The following KANK2 variants were observed in gnomAD, a reference collection of about 807,000 sequenced individuals.
KANK2 encodes KN motif and ankyrin repeat domains 2.
A neutral mutation model predicts 74.6 loss-of-function variants in KANK2; 41 were observed. The ratio of observed to expected loss-of-function variants is 0.55; its 90% CI spans 0.43 to 0.71. The LOEUF (loss-of-function observed/expected upper bound fraction) is 0.71. KANK2 is among the 30% of genes least tolerant of loss of function. The pLI is 0.00. For synonymous variants in KANK2, 537 were observed against 519.0 expected, an observed-to-expected ratio of 1.03 and a Z score of -0.47; for missense variants, 1,148 against 1,196.4, an observed-to-expected ratio of 0.96 and a Z score of 0.60.
intron 4 of KANK2, 36 bp from the exon 5 acceptor site, chr19:11,178,756 A>G (rs2078428033): frequency 1.3e-6 from 2 of 1,483,038 alleles, no homozygotes; most frequent in Admixed American, 2.6e-5. Context: ...GCTCTTGGTC[A>G]TAAAAGCCAA....
At chr19:11,185,982 G>T (rs8100663) in intron 4 of KANK2, among the ~76,000 whole-genome samples, 3,723 of 152,310 alleles carry the variant, frequency 0.024, 170 homozygotes, top group African/African-American at 0.083. Flanking sequence ...AGTGAACTGT[G>T]ACTGTGCCAC....
Position 11,194,052 on chromosome 19 carries a change from G to C in KANK2, c.38-10C>G. 1 of 1,593,480 alleles carries C rather than the reference G, an allele frequency of 6.3e-7. No individual in the cohort carries two copies. Among genetic ancestry groups the C allele is most frequent in the Non-Finnish European group, 8.6e-7 (1 of 1,169,492 alleles). On this transcript the variant is annotated splice_polypyrimidine_tract_variant and intron_variant, in intron 3 of 12. Transcript: ENST00000586659. ...GCTGGGCCAGGGGTCCCTGGGGATG[G>C]GAGAAACACCAGGACCTTTGAATCC...
chr19:11,168,557 G>A (rs749715144), intron 12 of KANK2, among the ~76,000 whole-genome samples: 7 of 152,028 alleles, frequency 4.6e-5, no homozygotes, highest in Admixed American at 1.3e-4. Context: ...GATTACAGAC[G>A]TGAGCCACCG....
At chr19:11,180,339 C>T (rs2078478352) in intron 4 of KANK2, among the ~76,000 whole-genome samples, 1 of 152,196 alleles carries the variant, frequency 6.6e-6, no homozygotes, top group African/African-American at 2.4e-5. Flanking sequence ...AAGGGATCCT[C>T]CCACCTCAGC....
At chr19:11,196,483 G>A in intron 1 of KANK2, 1 of 152,686 alleles carries the variant, frequency 6.5e-6, no homozygotes, top group East Asian at 1.9e-4. Context: ...CTGGGGCCAT[G>A]GGGAAGTGGC....
chr19:11,171,235 A>G (rs1891795024), intron 10 of KANK2, among the ~76,000 whole-genome samples: 1 of 152,048 alleles, frequency 6.6e-6, no homozygotes, highest in Non-Finnish European at 1.5e-5. Flanking sequence ...TGTCTCTAGT[A>G]AAAAATAAAA....
At chr19:11,178,289 A>C in intron 6 of KANK2, 56 bp downstream of exon 6, 1 of 1,135,224 alleles carries the variant, frequency 8.8e-7, no homozygotes, top group Non-Finnish European at 1.1e-6. Flanking sequence ...TCGTGCGTGG[A>C]TGAATGGAGG....
intron 4 of KANK2, among the ~76,000 whole-genome samples, chr19:11,189,093 T>C: frequency 1.1e-5 from 1 of 92,300 alleles, no homozygotes; most frequent in Admixed American, 1.5e-4. Context: ...CATGAATTGA[T>C]TCTCTCCCCC....
At position 11,182,944 on chromosome 19, in the gene KANK2, G is replaced by C. The variant is rs985368644; in HGVS notation, c.1250-4224C>G. Reference sequence around the variant, plus strand: ...AAGCAGGCAGTGACTTCAAAACCTGGGATGGCTCCTTCCAGTCTAAGGAAT... The same window carrying C: ...AAGCAGGCAGTGACTTCAAAACCTGCGATGGCTCCTTCCAGTCTAAGGAAT... On this transcript the variant is annotated intron_variant, in intron 4 of 12. Transcript: ENST00000586659. Among the ~76,000 whole-genome samples, 8 of 152,074 alleles carry C rather than the reference G, an allele frequency of 5.3e-5. 1 individual carries two copies. The highest frequency in any genetic ancestry group is 6.6e-5 in the Admixed American group (1 of 15,248).
intron 4 of KANK2, among the ~76,000 whole-genome samples, chr19:11,188,211 T>C (rs2078731741): frequency 6.6e-6 from 1 of 151,730 alleles, no homozygotes; most frequent in Non-Finnish European, 1.5e-5. Flanking sequence ...AAATAATTTT[T>C]TTTTTTTTTG....
Position 11,166,494 on chromosome 19 carries a change from AG to A in KANK2, c.*63del. On this transcript the variant is annotated 3_prime_UTR_variant, in exon 13 of 13. Coordinates refer to ENST00000586659, the MANE Select transcript of KANK2 (RefSeq NM_001136191.3). ...GGGTGGGCCAGGGAGGAACGGGAAC[AG>A]GGAGGAGACGGGGACAAGGGACGGT... 6.8e-7 allele frequency: 1 copy of A among 1,470,954 alleles called. No homozygotes were observed. The highest frequency in any genetic ancestry group is 9.5e-7 in the Non-Finnish European group (1 of 1,050,480). 91.1% of individuals were successfully genotyped at this position (1,470,954 alleles called of 1,614,324 possible).
intron 4 of KANK2, among the ~76,000 whole-genome samples, chr19:11,179,789 G>A (rs1307413930): frequency 2.0e-5 from 3 of 152,216 alleles, no homozygotes; most frequent in Admixed American, 6.5e-5. Context: ...AGCCAACAGC[G>A]TGGAATAAAA....
chr19:11,181,024 T>A (rs1429708426), intron 4 of KANK2, among the ~76,000 whole-genome samples: 26 of 134,454 alleles, frequency 1.9e-4, no homozygotes, highest in African/African-American at 7.2e-4. Context: ...AAGGCGGAGG[T>A]TGCAGTGAGC....
At chr19:11,194,691 C>T in intron 2 of KANK2, 101 bp from the exon 3 acceptor site, 1 of 582,498 alleles carries the variant, frequency 1.7e-6, no homozygotes. Flanking sequence ...AGCCCCCCAA[C>T]CCAGGTCTGG....
Position 11,170,629 on chromosome 19 carries a change from GC to G in KANK2, c.2212-382del, listed in dbSNP as rs1321827874. Among the ~76,000 whole-genome samples, 2 of 152,152 alleles carry G rather than the reference GC, an allele frequency of 1.3e-5. No individual in the cohort carries two copies. Among genetic ancestry groups the G allele is most frequent in the African/African-American group, 4.8e-5 (2 of 41,434 alleles). ...TTTAGAGACAGGGTCTTGCTCTGTT[GC>G]CCAGGTTGGCGTGCAGTGGCACGAT... On this transcript the variant is annotated intron_variant, in intron 10 of 12. Transcript: ENST00000586659. This position sits in a 1 kb window ranked among gnomAD's most constrained non-coding sequence, Gnocchi z 5.2.
chr19:11,169,564 AG>A (rs964630432), intron 12 of KANK2: 179 of 499,456 alleles, frequency 3.6e-4, no homozygotes, highest in Non-Finnish European at 5.6e-4. Context: ...GCACTTTGGG[AG>A]GCTAAGGCAG....
chr19:11,186,069 GCAGCTGT>G (rs2078665963), intron 4 of KANK2, among the ~76,000 whole-genome samples: 3 of 152,024 alleles, frequency 2.0e-5, no homozygotes, highest in Admixed American at 2.0e-4. Context: ...CCATTATGTA[GCAGCTGT>G]CAGATGGATA....
At position 11,193,758 on chromosome 19, in the gene KANK2, A is replaced by G; in HGVS notation, c.322T>C (p.Tyr108His). 1 of 1,612,630 alleles carries G rather than the reference A, an allele frequency of 6.2e-7. No individual in the cohort carries two copies. Among genetic ancestry groups the G allele is most frequent in the Non-Finnish European group, 8.5e-7 (1 of 1,179,704 alleles). The change falls in exon 4 of 13, where the codon TAC becomes CAC. Residue 108 changes from tyrosine to histidine, a missense_variant. Tyr to His is a moderately conservative substitution (Grantham distance 83). Transcript: ENST00000586659. This position sits in a 1 kb window ranked among gnomAD's most constrained non-coding sequence, Gnocchi z 9.6. ...SAYSYCGRGF[Y>H]PQYGALETRG... Reference sequence around the variant, plus strand: ...GTCTCCAGAGCACCATACTGAGGGTAGAAGCCACGGCCGCAGTAGGAATAG... The same window carrying G: ...GTCTCCAGAGCACCATACTGAGGGTGGAAGCCACGGCCGCAGTAGGAATAG...
chr19:11,193,728 C>G lies in KANK2; in HGVS notation c.352G>C (p.Gly118Arg). Residue 118 changes from glycine (G) to arginine (R), a missense_variant, in exon 4 of 13, where the codon GGT becomes CGT. Transcript: ENST00000586659. The surrounding 1 kb of genome is among the most constrained non-coding windows in gnomAD (Gnocchi z 9.6). ...CGCTCCACCCGCGGATTGAAGCCAC[C>G]GCGGGTCTCCAGAGCACCATACTGA... is the stretch of plus-strand genomic sequence containing the variant. ...YPQYGALETR[G>R]GFNPRVERTL... 6.2e-7 allele frequency: 1 copy of G among 1,612,298 alleles called. No homozygotes were observed. Among genetic ancestry groups the G allele is most frequent in the Non-Finnish European group, 8.5e-7 (1 of 1,179,618 alleles).
Sources: gnomAD v4.1 joint callset for allele counts (sites outside exome capture counted in the v4.1 genomes callset) on GRCh38, gnomAD v4.1.1 for gene constraint, Gnocchi (gnomAD v3.1) non-coding constraint, MANE v1.5 for transcripts, NCBI Gene and HGNC (gene_info 2026-07-23, HGNC 2026-07-21) for gene names.